Variants in CEP152 observed in about 807,000 individuals in gnomAD.
The protein encoded by CEP152 is centrosomal protein 152, also known as centrosomal protein of 152 kDa.
Under a neutral mutation model 188.9 loss-of-function variants are expected in CEP152, and 132 were observed. That is an observed-to-expected ratio of 0.70 (90% CI 0.61 to 0.81). CEP152 has a LOEUF of 0.81. Among genes scored for constraint, CEP152 ranks in the 30% least tolerant of loss-of-function variants. The pLI is 0.00. For synonymous variants in CEP152, 649 were observed against 666.6 expected, an observed-to-expected ratio of 0.97 and a Z score of 0.41; for missense variants, 1,914 against 1,969.8, an observed-to-expected ratio of 0.97 and a Z score of 0.54.
chr15:48,765,853 C>T (rs1895047366), intron 17 of CEP152, among the ~76,000 whole-genome samples: 1 of 151,642 alleles, frequency 6.6e-6, no homozygotes, highest in South Asian at 2.1e-4. Context: ...GGGGTTTCAC[C>T]GTGTTAGCCA....
At chr15:48,786,731 G>C (rs1209569368) in intron 9 of CEP152, among the ~76,000 whole-genome samples, 1 of 152,122 alleles carries the variant, frequency 6.6e-6, no homozygotes, top group Non-Finnish European at 1.5e-5. Context: ...CGTAACAGTG[G>C]GAAAAGACCT....
At chr15:48,763,145 AT>A (rs1183581155) in intron 17 of CEP152, among the ~76,000 whole-genome samples, 14 of 152,330 alleles carry the variant, frequency 9.2e-5, no homozygotes, top group African/African-American at 3.4e-4. Context: ...ATAGTGTTAA[AT>A]TTTACTAAGT....
At position 48,756,044 on chromosome 15, in the gene CEP152, C is replaced by T. The variant is rs952431515; in HGVS notation, c.3204G>A (p.Lys1068=). The part of the protein sequence containing the change: ...QKEHISDSED[K]QLLEIMSTCS... ...AAGTCGACATGATTTCCAAAAGCTGCTTGTCCTCAGAATCACTGATGTGCT... is the reference window on the plus strand; with the variant it reads ...AAGTCGACATGATTTCCAAAAGCTGTTTGTCCTCAGAATCACTGATGTGCT... Residue 1068 remains lysine (K), a synonymous_variant, in exon 20 of 27, where the codon AAG becomes AAA. Coordinates refer to ENST00000380950, the MANE Select transcript of CEP152 (RefSeq NM_001194998.2). 1.2e-6 allele frequency: 2 copies of T among 1,614,068 alleles called. No individual in the cohort carries two copies.
chr15:48,751,090 A>G (rs575111344), intron 21 of CEP152, among the ~76,000 whole-genome samples: 1 of 152,294 alleles, frequency 6.6e-6, no homozygotes, highest in Non-Finnish European at 1.5e-5. Flanking sequence ...CAACAGTGGT[A>G]CTCTCTGGTG....
intron 26 of CEP152, chr15:48,740,955 T>C (rs1407014063): frequency 1.2e-6 from 1 of 861,192 alleles, no homozygotes; most frequent in Non-Finnish European, 1.4e-6. Context: ...TCATATCCCC[T>C]AGGCCCTCTA....
At chr15:48,805,334 T>C (rs952311762) in intron 2 of CEP152, among the ~76,000 whole-genome samples, 8 of 152,182 alleles carry the variant, frequency 5.3e-5, no homozygotes, top group African/African-American at 1.9e-4. Flanking sequence ...TTTAACCATT[T>C]ATCTGATGGT....
intron 18 of CEP152, among the ~76,000 whole-genome samples, chr15:48,761,424 A>G (rs1894679082): frequency 6.6e-6 from 1 of 152,234 alleles, no homozygotes; most frequent in South Asian, 2.1e-4. Flanking sequence ...AAATAACTAC[A>G]TAACGGATGT....
chr15:48,784,150 T>G (rs1203524166), intron 9 of CEP152, 30 bp from the exon 10 acceptor site: 1 of 1,599,636 alleles, frequency 6.3e-7, no homozygotes, highest in Non-Finnish European at 8.5e-7. Context: ...AGGAAGTCAT[T>G]TTCATAAAGA....
At chr15:48,739,683 C>T (rs1349423256) in intron 26 of CEP152, among the ~76,000 whole-genome samples, 1 of 151,830 alleles carries the variant, frequency 6.6e-6, no homozygotes, top group African/African-American at 2.4e-5. Context: ...AGAACCCCAC[C>T]CACCCAATAC....
At chr15:48,790,914 C>T (rs1178269605) in intron 8 of CEP152, among the ~76,000 whole-genome samples, 1 of 152,178 alleles carries the variant, frequency 6.6e-6, no homozygotes, top group African/African-American at 2.4e-5. Context: ...ATGAATCAAC[C>T]ACCACCAGGC....
At chr15:48,805,753 A>G (rs1897948166) in intron 1 of CEP152, 97 bp from the exon 2 acceptor site, 1 of 1,512,532 alleles carries the variant, frequency 6.6e-7, no homozygotes, top group Non-Finnish European at 9.1e-7. Context: ...AAGTGAAAAG[A>G]CAGAAACAGA....
chr15:48,735,999 G>C (rs777768759), downstream of CEP152, among the ~76,000 whole-genome samples: 20 of 152,232 alleles, frequency 1.3e-4, no homozygotes, highest in Non-Finnish European at 2.5e-4. Context: ...AGGATTATGA[G>C]AATACTATGG....
At chr15:48,809,141 T>A (rs898767124) in intron 1 of CEP152, among the ~76,000 whole-genome samples, 2 of 152,222 alleles carry the variant, frequency 1.3e-5, no homozygotes, top group African/African-American at 4.8e-5. Flanking sequence ...TTGCTTCATC[T>A]AATAAACTAT....
chr15:48,730,076 A>C (rs1324821662), intron 2 of CEP152, among the ~76,000 whole-genome samples: 1 of 152,180 alleles, frequency 6.6e-6, no homozygotes. Context: ...AACCAAAGGG[A>C]AACAACCAAA....
At chr15:48,746,285 G>A (rs1424707307) in intron 22 of CEP152, among the ~76,000 whole-genome samples, 1 of 152,122 alleles carries the variant, frequency 6.6e-6, no homozygotes, top group Non-Finnish European at 1.5e-5. Context: ...ACGAGTTTTA[G>A]AAGATATCAG....
intron 8 of CEP152, among the ~76,000 whole-genome samples, chr15:48,790,614 T>C (rs945469230): frequency 1.3e-5 from 2 of 152,172 alleles, no homozygotes; most frequent in Non-Finnish European, 2.9e-5. Flanking sequence ...TCCCCCAGGC[T>C]GGAGTGCAAT....
intron 17 of CEP152, 78 bp downstream of exon 17, chr15:48,766,982 C>A (rs1895157720): frequency 1.3e-6 from 2 of 1,582,114 alleles, no homozygotes; most frequent in East Asian, 2.2e-5. Flanking sequence ...TTCTCTAGAA[C>A]AAATGTATTC....
intron 13 of CEP152, among the ~76,000 whole-genome samples, chr15:48,771,581 C>A (rs1895535441): frequency 6.6e-6 from 1 of 152,160 alleles, no homozygotes; most frequent in Admixed American, 6.5e-5. Context: ...ACAGAGAATA[C>A]TTCCTTGTAT....
chr15:48,740,908 G>C, intron 26 of CEP152: 1 of 413,790 alleles, frequency 2.4e-6, no homozygotes, highest in Non-Finnish European at 3.2e-6. Flanking sequence ...ACCCCACCTG[G>C]TTGCTGTTGG....
Sources: gnomAD v4.1 joint callset for allele counts (sites outside exome capture counted in the v4.1 genomes callset) on GRCh38, gnomAD v4.1.1 for gene constraint, MANE v1.5 for transcripts, NCBI Gene and HGNC (gene_info 2026-07-23, HGNC 2026-07-21) for gene names.